ARID4B: variants seen among roughly 807,000 people sequenced by gnomAD.
ARID4B encodes AT-rich interactive domain-containing protein 4B.
ARID4B carries 26 observed loss-of-function variants against 147.5 expected under a neutral mutation model. That is an observed-to-expected ratio of 0.18 (90% CI 0.13 to 0.24). The LOEUF is 0.24. Ranked by LOEUF, ARID4B falls within the 10% of genes least tolerant of loss-of-function variation. The pLI is 1.00. For missense variants in ARID4B, 1,179 were observed against 1,511.5 expected (o/e 0.78, Z 3.65); for synonymous variants, 512 against 507.9 (o/e 1.01, Z -0.11).
At chr1:235,277,000 G>C (rs1251329070) in intron 2 of ARID4B, among the ~76,000 whole-genome samples, 4 of 99,506 alleles carry the variant, frequency 4.0e-5, no homozygotes, top group Non-Finnish European at 8.6e-5. Flanking sequence ...CACCATCTCC[G>C]AAAAAAAAAA....
intron 14 of ARID4B, 52 bp from the exon 15 acceptor site, chr1:235,220,597 T>C (rs1254987267): frequency 7.3e-7 from 1 of 1,367,918 alleles, no homozygotes; most frequent in East Asian, 2.5e-5. Context: ...AAAATATAAC[T>C]ATAGAGTTAT....
chr1:235,194,774 G>A (rs554794174), intron 18 of ARID4B, among the ~76,000 whole-genome samples: 34 of 152,142 alleles, frequency 2.2e-4, no homozygotes, highest in African/African-American at 8.0e-4. Context: ...AGCCAAGATC[G>A]CGCCATTGCA....
chr1:235,220,311 C>T lies in ARID4B; in HGVS notation c.1398G>A (p.Lys466=). The change falls in exon 15 of 24, where the codon AAG becomes AAA. Residue 466 remains lysine (K), a synonymous_variant. Transcript: ENST00000264183. ...EDEIERKENI[K]PSLGSKKNLL... is the part of the protein sequence containing the mutation. ...ACAATATCTGATTTACCAGAGAGGG[C>T]TTAATATTTTCTTTTCTTTCAATTT... is the stretch of plus-strand genomic sequence containing the variant. 6.3e-7 allele frequency: 1 copy of T among 1,599,098 alleles called. No homozygotes were observed. Among genetic ancestry groups the T allele is most frequent in the South Asian group, 1.1e-5 (1 of 87,464 alleles).
intron 16 of ARID4B, among the ~76,000 whole-genome samples, chr1:235,214,928 G>A (rs951726547): frequency 1.6e-4 from 21 of 132,400 alleles, no homozygotes; most frequent in Admixed American, 1.8e-4. Context: ...TGCAACCTCC[G>A]CCTCCCAGGT....
intron 3 of ARID4B, among the ~76,000 whole-genome samples, chr1:235,257,808 A>T (rs564800388): frequency 2.6e-5 from 4 of 152,242 alleles, no homozygotes; most frequent in Non-Finnish European, 5.9e-5. Context: ...TTTCAATACT[A>T]TCAGTTATGA....
Position 235,175,236 on chromosome 1 carries a change from G to A in ARID4B, c.3612C>T (p.Leu1204=), listed in dbSNP as rs537264192. The stretch of plus-strand genomic sequence containing the variant: ...TGGGTAATCGATTACTGGGTTCCTT[G>A]AGATCAGGATCCTTATCACCATTCT... The part of the protein sequence containing the change: ...CGKNGDKDPD[L]KEPSNRLPKV... The change falls in exon 22 of 24, where the codon CTC becomes CTT. Residue 1204 remains leucine (L), a synonymous_variant. Transcript: ENST00000264183. 6.2e-7 allele frequency: 1 copy of A among 1,614,150 alleles called. No individual in the cohort carries two copies. Among genetic ancestry groups the A allele is most frequent in the Admixed American group, 1.7e-5 (1 of 60,018 alleles).
chr1:235,179,385 A>G (rs1664117101), intron 20 of ARID4B, among the ~76,000 whole-genome samples: 1 of 151,918 alleles, frequency 6.6e-6, no homozygotes, highest in Admixed American at 6.6e-5. Flanking sequence ...ACAAAATACA[A>G]AAATTAGCCG....
chr1:235,256,754 T>C (rs1670015043), intron 4 of ARID4B, among the ~76,000 whole-genome samples: 1 of 152,202 alleles, frequency 6.6e-6, no homozygotes, highest in African/African-American at 2.4e-5. Context: ...TCTATTAATT[T>C]TGGAAAATCC....
In ARID4B at chr1:235,211,637, G is replaced by T. The variant is rs138153707; in HGVS notation, c.1841+2132C>A. On this transcript the variant is annotated intron_variant, in intron 17 of 23. Transcript: ENST00000264183. ...TCTGGCACTCAGGCTGGAGTACAGT[G>T]GCATGATCATAGTTCACTGCAGCCT... 3.9e-4 allele frequency among the ~76,000 whole-genome samples: 60 copies of T among 152,236 alleles called. 1 individual carries two copies. In the East Asian group the frequency reaches 0.011, roughly 27 times the overall value.
intron 6 of ARID4B, among the ~76,000 whole-genome samples, chr1:235,248,182 G>C (rs1284172532): frequency 6.6e-6 from 1 of 152,010 alleles, no homozygotes; most frequent in Non-Finnish European, 1.5e-5. Context: ...CTCCCAAGTA[G>C]CTAGGACCAC....
intron 17 of ARID4B, among the ~76,000 whole-genome samples, chr1:235,203,616 A>G (rs1426553378): frequency 2.0e-5 from 3 of 152,178 alleles, no homozygotes; most frequent in Non-Finnish European, 4.4e-5. Context: ...TCATTTAATA[A>G]TTGTTGCACA....
chr1:235,232,859 T>C (rs1172820071), intron 9 of ARID4B, among the ~76,000 whole-genome samples: 3 of 152,100 alleles, frequency 2.0e-5, no homozygotes, highest in South Asian at 4.1e-4. Context: ...TGTTTTGAGA[T>C]GGAATCTTGT....
At chr1:235,264,804 T>C (rs988163505) in intron 2 of ARID4B, among the ~76,000 whole-genome samples, 1 of 152,186 alleles carries the variant, frequency 6.6e-6, no homozygotes, top group Non-Finnish European at 1.5e-5. Flanking sequence ...ATGCCTGTAA[T>C]CCCAGCACTT....
intron 7 of ARID4B, among the ~76,000 whole-genome samples, chr1:235,244,416 TG>T (rs1298930823): frequency 6.6e-6 from 1 of 152,022 alleles, no homozygotes; most frequent in African/African-American, 2.4e-5. Flanking sequence ...CTGCAAACAA[TG>T]GGTAAGTTAT....
intron 2 of ARID4B, among the ~76,000 whole-genome samples, chr1:235,269,979 T>G (rs1314012725): frequency 6.6e-6 from 1 of 152,116 alleles, no homozygotes; most frequent in African/African-American, 2.4e-5. Flanking sequence ...TAAGAGTTAC[T>G]GCATATTTTA....
chr1:235,283,754 C>T (rs994528552), intron 2 of ARID4B, among the ~76,000 whole-genome samples: 2 of 152,090 alleles, frequency 1.3e-5, no homozygotes, highest in African/African-American at 4.8e-5. Context: ...TTGAGACAGT[C>T]TCGCTCTCCA....
intron 17 of ARID4B, among the ~76,000 whole-genome samples, chr1:235,201,550 C>T (rs1392226141): frequency 6.6e-6 from 1 of 152,164 alleles, no homozygotes; most frequent in Non-Finnish European, 1.5e-5. Context: ...TCTCAAACTC[C>T]TGGGCTCTAG....
chr1:235,173,774 ATATATATATATAT>A (rs1663608615), intron 22 of ARID4B, among the ~76,000 whole-genome samples: 7 of 21,030 alleles, frequency 3.3e-4, no homozygotes, highest in South Asian at 3.7e-3. Context: ...AAAAAAAAAT[ATATATATATATAT>A]ATATATATAT....
intron 8 of ARID4B, 81 bp downstream of exon 8, chr1:235,240,232 G>A: frequency 7.7e-7 from 1 of 1,291,158 alleles, no homozygotes; most frequent in Non-Finnish European, 1.1e-6. Context: ...TTGTACCTAT[G>A]AAAAACATTA....
Sources: allele counts gnomAD v4.1 joint callset (sites outside exome capture counted in the v4.1 genomes callset), GRCh38; gene constraint gnomAD v4.1.1; transcripts MANE v1.5; gene names NCBI Gene and HGNC (gene_info 2026-07-23, HGNC 2026-07-21).